DYNC1H1: variants seen among roughly 807,000 people sequenced by gnomAD.
DYNC1H1 encodes the protein dynein cytoplasmic 1 heavy chain 1.
In DYNC1H1, 51 loss-of-function variants were observed where a neutral mutation model predicts 527.1. That is an observed-to-expected ratio of 0.10 (90% CI 0.08 to 0.12). The LOEUF is 0.12. Ranked by LOEUF, DYNC1H1 falls within the 10% of genes least tolerant of loss-of-function variation. The pLI is 1.00. For synonymous variants in DYNC1H1, 2,189 were observed against 2,278.8 expected, an observed-to-expected ratio of 0.96 and a Z score of 1.12; for missense variants, 2,771 against 5,971.8, an observed-to-expected ratio of 0.46 and a Z score of 17.66.
rs2048610619 is a variant in DYNC1H1, at chr14:102,038,989, T to C, written c.11207-12T>C. ...GGATTATTGCAAACTCTGGATGTTT[T>C]ATTCATTTAAGGGGAATTTCAGCTC... On this transcript the variant is annotated splice_polypyrimidine_tract_variant and intron_variant, in intron 59 of 77. Coordinates refer to ENST00000360184, the MANE Select transcript of DYNC1H1 (RefSeq NM_001376.5). The surrounding 1 kb of genome is among the most constrained non-coding windows in gnomAD (Gnocchi z 7.2). 1 of 1,614,020 alleles carries C rather than the reference T, an allele frequency of 6.2e-7. No homozygotes were observed. The highest frequency in any genetic ancestry group is 2.2e-5 in the East Asian group (1 of 44,884).
chr14:102,049,417 G>C lies in DYNC1H1; in HGVS notation c.13373-23G>C. The C allele has an allele frequency of 6.2e-7, 1 of 1,613,602 alleles. No individual in the cohort carries two copies. The highest frequency in any genetic ancestry group is 8.5e-7 in the Non-Finnish European group (1 of 1,180,030). On this transcript the variant is annotated intron_variant, in intron 74 of 77. Coordinates refer to ENST00000360184, the MANE Select transcript of DYNC1H1 (RefSeq NM_001376.5). The surrounding 1 kb of genome is among the most constrained non-coding windows in gnomAD (Gnocchi z 5.5). ...GGGAGTTGTGAGAGCTGACACCCTG[G>C]GCTCTGTGTGCCTTGGCTGCAGGGA...
Position 102,005,021 on chromosome 14 carries a change from T to A in DYNC1H1, c.5239-21T>A, listed in dbSNP as rs2048180502. 6.2e-7 allele frequency: 1 copy of A among 1,614,036 alleles called. No homozygotes were observed. Among genetic ancestry groups the A allele is most frequent in the Non-Finnish European group, 8.5e-7 (1 of 1,180,038 alleles). On this transcript the variant is annotated intron_variant, in intron 25 of 77. Transcript: ENST00000360184. This position sits in a 1 kb window ranked among gnomAD's most constrained non-coding sequence, Gnocchi z 4.0. ...CAATCTTTAAAATGATCCTTTGGGA[T>A]CTTGTTTCTGTGTCTTTCAGGCCCA...
intron 1 of DYNC1H1, among the ~76,000 whole-genome samples, chr14:101,975,461 C>T (rs2047790459): frequency 6.6e-6 from 1 of 152,214 alleles, no homozygotes; most frequent in Admixed American, 6.5e-5. Context: ...CATGCACCAA[C>T]TCAGTTATCC....
At chr14:102,000,425 T>A in intron 18 of DYNC1H1, 26 bp downstream of exon 18, 2 of 1,607,498 alleles carry the variant, frequency 1.2e-6, no homozygotes, top group Non-Finnish European at 1.7e-6. Flanking sequence ...GGTGTTTGTG[T>A]ACGTCTATTT....
chr14:101,984,092 T>A (rs2047899502), intron 7 of DYNC1H1, among the ~76,000 whole-genome samples: 1 of 152,044 alleles, frequency 6.6e-6, no homozygotes, highest in Non-Finnish European at 1.5e-5. Context: ...CTCAGCTTCC[T>A]GAGTAGCTGG....
Position 102,036,447 on chromosome 14 carries a change from C to T in DYNC1H1, c.10755-42C>T, listed in dbSNP as rs11622585. ...GCTAACCGTGATCCTGTGCTTTCCC[C>T]ATTCGGTGTTTCAACCTTCTCTTCT... On this transcript the variant is annotated intron_variant, in intron 56 of 77. Coordinates refer to ENST00000360184, the MANE Select transcript of DYNC1H1 (RefSeq NM_001376.5). This position sits in a 1 kb window ranked among gnomAD's most constrained non-coding sequence, Gnocchi z 5.6. The T allele has an allele frequency of 5.6e-6, 9 of 1,611,420 alleles. No homozygotes were observed. Among genetic ancestry groups the T allele is most frequent in the South Asian group, 3.3e-5 (3 of 90,886 alleles).
intron 72 of DYNC1H1, 91 bp from the exon 73 acceptor site, chr14:102,047,726 T>C (rs954230889): frequency 3.3e-6 from 5 of 1,527,782 alleles, no homozygotes; most frequent in Admixed American, 1.7e-5. Flanking sequence ...TCACTCACCA[T>C]GTGGCCTTTA....
At position 102,052,432 on chromosome 14, in the gene DYNC1H1, C is replaced by G. The variant is rs2048824351; in HGVS notation, c.*1869C>G. ...ACAAGTGTGAGCCACCACACCCAGCCCCTAAAAACATTTATGTGCATCGAC... is the reference window on the plus strand; with the variant it reads ...ACAAGTGTGAGCCACCACACCCAGCGCCTAAAAACATTTATGTGCATCGAC... On this transcript the variant is annotated 3_prime_UTR_variant, in exon 78 of 78. Coordinates refer to ENST00000360184, the MANE Select transcript of DYNC1H1 (RefSeq NM_001376.5). 6.6e-6 allele frequency: 1 copy of G among 152,314 alleles called. No individual in the cohort carries two copies. Among genetic ancestry groups the G allele is most frequent in the South Asian group, 2.1e-4 (1 of 4,834 alleles). The allele number at this position is 152,314 out of a possible 1,614,324, so 9.4% of individuals were successfully genotyped here. A position where few individuals can be genotyped will look rare whatever the true frequency, so the allele number is the denominator to read the frequency against.
At chr14:102,034,687 G>T in intron 56 of DYNC1H1, 1 of 677,024 alleles carries the variant, frequency 1.5e-6, no homozygotes, top group Non-Finnish European at 2.5e-6. Flanking sequence ...ATTGGCAGGG[G>T]CCAGGCACAG....
In DYNC1H1 at chr14:102,011,644, T is replaced by C; in HGVS notation, c.6619-231T>C. ...ATAGGCGCTTGTAAAGCCAGCTACT[T>C]GGGAGAGTGAGGAAGGAGAATCACT... On this transcript the variant is annotated intron_variant, in intron 32 of 77. Transcript: ENST00000360184. The surrounding 1 kb of genome is among the most constrained non-coding windows in gnomAD (Gnocchi z 5.3). The C allele has an allele frequency of 1.8e-6, 1 of 552,064 alleles. No homozygotes were observed. The highest frequency in any genetic ancestry group is 3.3e-6 in the Non-Finnish European group (1 of 307,408). The allele number at this position is 552,064 out of a possible 1,614,324, so 34.2% of individuals were successfully genotyped here. A position where few individuals can be genotyped will look rare whatever the true frequency, so the allele number is the denominator to read the frequency against.
Position 102,016,617 on chromosome 14 carries a change from C to A in DYNC1H1, c.7614+128C>A, listed in dbSNP as rs999995740. The A allele has an allele frequency of 8.9e-6, 14 of 1,571,488 alleles. No individual in the cohort carries two copies. The highest frequency in any genetic ancestry group is 1.7e-5 in the Admixed American group (1 of 57,484). On this transcript the variant is annotated intron_variant, in intron 37 of 77. Coordinates refer to ENST00000360184, the MANE Select transcript of DYNC1H1 (RefSeq NM_001376.5). This position sits in a 1 kb window ranked among gnomAD's most constrained non-coding sequence, Gnocchi z 7.3. ...TTCCATTTCATAGAAGGACTTTATC[C>A]TTTTAGTTCCATGTGTTAGCAAAGA...
chr14:101,991,547 A>G lies in DYNC1H1; in HGVS notation c.2889A>G (p.Arg963=), dbSNP rs755515759. The G allele has an allele frequency of 1.2e-6, 2 of 1,614,266 alleles. No homozygotes were observed. The highest frequency in any genetic ancestry group is 1.7e-6 in the Non-Finnish European group (2 of 1,180,044). ...CACAGAATGTCGTTCATGAGCTAAG[A>G]ATAACCAATCAGGTAATCTACTTGA... ...PKIKNVVHEL[R]ITNQVIYLNP... Residue 963 remains arginine, a synonymous_variant, in exon 11 of 78, where the codon AGA becomes AGG. Transcript: ENST00000360184.
Position 102,012,295 on chromosome 14 carries a change from T to G in DYNC1H1, c.6858-19T>G. ...ATCTTGATTTAATCAGCAGCTATTT[T>G]AAAATCCTTCCCAACCAGGATCATC... On this transcript the variant is annotated intron_variant, in intron 33 of 77. Transcript: ENST00000360184. This position sits in a 1 kb window ranked among gnomAD's most constrained non-coding sequence, Gnocchi z 4.9. 1 of 1,614,216 alleles carries G rather than the reference T, an allele frequency of 6.2e-7. No individual in the cohort carries two copies. The highest frequency in any genetic ancestry group is 8.5e-7 in the Non-Finnish European group (1 of 1,180,038).
chr14:101,988,106 A>G (rs985170456), intron 9 of DYNC1H1, among the ~76,000 whole-genome samples: 2 of 152,156 alleles, frequency 1.3e-5, no homozygotes, highest in Non-Finnish European at 2.9e-5. Context: ...ATGATACTAC[A>G]TGTCAGTACT....
intron 43 of DYNC1H1, among the ~76,000 whole-genome samples, chr14:102,024,692 C>CTTTTTTT (rs541855664): frequency 9.1e-6 from 1 of 109,512 alleles, no homozygotes; most frequent in East Asian, 2.5e-4. Flanking sequence ...TTTTTTAACT[C>CTTTTTTT]TTTTTTTTTT....
rs1335606202 is a variant in DYNC1H1 at position 102,018,829 on chromosome 14, G to C, written c.8343+213G>C. On this transcript the variant is annotated intron_variant, in intron 41 of 77. Transcript: ENST00000360184. The surrounding 1 kb of genome is among the most constrained non-coding windows in gnomAD (Gnocchi z 5.2). Reference sequence around the variant, plus strand: ...TAGGTGGGCGTGGTGGTGCATGCTTGTAATGTCAGCTTCCCAGGAGGCTGA... The same window carrying C: ...TAGGTGGGCGTGGTGGTGCATGCTTCTAATGTCAGCTTCCCAGGAGGCTGA... Among the ~76,000 whole-genome samples the C allele has an allele frequency of 1.3e-5, 2 of 152,184 alleles. No homozygotes were observed. Among genetic ancestry groups the C allele is most frequent in the Non-Finnish European group, 2.9e-5 (2 of 68,038 alleles).
At chr14:102,000,898 T>C (rs2048123512) in intron 18 of DYNC1H1, 56 bp from the exon 19 acceptor site, 6 of 1,503,348 alleles carry the variant, frequency 4.0e-6, no homozygotes, top group Non-Finnish European at 5.6e-6. Flanking sequence ...AAGAAATATT[T>C]CACCATTTAA....
intron 56 of DYNC1H1, 27 bp downstream of exon 56, chr14:102,034,479 C>T (rs766990271): frequency 6.2e-7 from 1 of 1,612,094 alleles, no homozygotes; most frequent in Non-Finnish European, 8.5e-7. Flanking sequence ...CAAGGAGAGG[C>T]ATGGGAGGAA....
At chr14:101,981,378 C>T (rs1333114800) in intron 5 of DYNC1H1, among the ~76,000 whole-genome samples, 1 of 152,218 alleles carries the variant, frequency 6.6e-6, no homozygotes, top group East Asian at 1.9e-4. Flanking sequence ...CTGCCTTGGC[C>T]TCCCAAAGTG....
Sources: allele counts gnomAD v4.1 joint callset (sites outside exome capture counted in the v4.1 genomes callset), GRCh38; gene constraint gnomAD v4.1.1; non-coding constraint Gnocchi (gnomAD v3.1); transcripts MANE v1.5; gene names NCBI Gene and HGNC (gene_info 2026-07-23, HGNC 2026-07-21).